PCDH9: variants seen among roughly 807,000 people sequenced by gnomAD.
The protein encoded by PCDH9 is protocadherin 9.
PCDH9 carries 24 observed loss-of-function variants against 70.6 expected under a neutral mutation model. The observed-to-expected ratio is 0.34, with a 90% CI of 0.25 to 0.48. The LOEUF is 0.48. Ranked by LOEUF, PCDH9 falls within the 20% of genes least tolerant of loss-of-function variation. The pLI is 0.99. For synonymous variants in PCDH9, 562 were observed against 558.5 expected, an observed-to-expected ratio of 1.01 and a Z score of -0.09; for missense variants, 1,281 against 1,503.6, an observed-to-expected ratio of 0.85 and a Z score of 2.45.
At chr13:66,355,772 T>G (rs879339550) in intron 4 of PCDH9, among the ~76,000 whole-genome samples, 2 of 152,172 alleles carry the variant, frequency 1.3e-5, no homozygotes, top group Admixed American at 1.3e-4. Flanking sequence ...AACTTTGTAC[T>G]TCCCCAAGGA....
chr13:66,957,526 G>A (rs1321242592), intron 2 of PCDH9, among the ~76,000 whole-genome samples: 1 of 152,176 alleles, frequency 6.6e-6, no homozygotes, highest in Non-Finnish European at 1.5e-5. Flanking sequence ...AAAAGTTGCT[G>A]GGAACTGAAA....
chr13:66,760,042 C>T (rs1385916826), intron 3 of PCDH9, among the ~76,000 whole-genome samples: 1 of 152,034 alleles, frequency 6.6e-6, no homozygotes, highest in African/African-American at 2.4e-5. Flanking sequence ...TGGTGATGAA[C>T]TTCCTAAGCT....
chr13:67,042,035 C>G (rs951901702), intron 2 of PCDH9, among the ~76,000 whole-genome samples: 12 of 151,942 alleles, frequency 7.9e-5, no homozygotes, highest in African/African-American at 2.9e-4. Context: ...TTGCCCTTAC[C>G]AAAGCCCATG....
chr13:66,658,369 T>C (rs1477954431), intron 3 of PCDH9, among the ~76,000 whole-genome samples: 1 of 152,192 alleles, frequency 6.6e-6, no homozygotes, highest in East Asian at 1.9e-4. Flanking sequence ...AGATTATTTA[T>C]GTGTCTGTTC....
intron 3 of PCDH9, among the ~76,000 whole-genome samples, chr13:66,902,771 G>A (rs192422998): frequency 1.8e-3 from 274 of 151,266 alleles, no homozygotes; most frequent in Non-Finnish European, 2.1e-3. Context: ...ACTTAAAAAC[G>A]GCTCAGATAG....
intron 3 of PCDH9, among the ~76,000 whole-genome samples, chr13:66,672,610 G>T (rs748308992): frequency 2.2e-4 from 33 of 152,276 alleles, no homozygotes; most frequent in African/African-American, 7.2e-4. Flanking sequence ...CCATGTGCCT[G>T]GAAAAGCTGC....
chr13:66,879,955 A>G (rs1373833672), intron 3 of PCDH9: 2 of 152,182 alleles, frequency 1.3e-5, no homozygotes, highest in Non-Finnish European at 2.9e-5. Flanking sequence ...AAAACAGTTT[A>G]TTACAAATGA....
intron 3 of PCDH9, among the ~76,000 whole-genome samples, chr13:66,807,291 T>C (rs900088548): frequency 3.3e-5 from 5 of 152,142 alleles, no homozygotes; most frequent in Non-Finnish European, 5.9e-5. Context: ...TTCCCAAACA[T>C]ATATTATTAT....
At position 66,801,802 on chromosome 13, in the gene PCDH9, G is replaced by T. The variant is rs187138795; in HGVS notation, c.3138+101702C>A. ...TAAGCAAGTGGAGAGTAATCTTGTG[G>T]CTTTTTGAAAATCTTTAGAACATTA... On this transcript the variant is annotated intron_variant, in intron 3 of 4. Coordinates refer to ENST00000377865, the MANE Select transcript of PCDH9 (RefSeq NM_203487.3). Among the ~76,000 whole-genome samples, 581 of 151,976 alleles carry T rather than the reference G, an allele frequency of 3.8e-3. 15 individuals are homozygous for T. The highest frequency in any genetic ancestry group is 1.2e-3 in the East Asian group (6 of 5,168).
At chr13:66,663,479 C>T (rs77015393) in intron 3 of PCDH9, among the ~76,000 whole-genome samples, 2,001 of 152,132 alleles carry the variant, frequency 0.013, 43 homozygotes, top group African/African-American at 0.044. Flanking sequence ...GAGAAATAAA[C>T]GTGAGGGTTT....
intron 2 of PCDH9, among the ~76,000 whole-genome samples, chr13:66,979,909 T>A (rs1325208120): frequency 2.6e-5 from 4 of 152,002 alleles, no homozygotes; most frequent in African/African-American, 9.7e-5. Context: ...CCTTCTCCTA[T>A]CCCTCCACCT....
intron 4 of PCDH9, among the ~76,000 whole-genome samples, chr13:66,402,573 A>C (rs1227145458): frequency 2.0e-5 from 3 of 152,118 alleles, no homozygotes; most frequent in Non-Finnish European, 4.4e-5. Context: ...TGAATCTTTG[A>C]TTTATCAAAT....
At chr13:66,700,917 CATATAAAT>C (rs1178718567) in intron 3 of PCDH9, among the ~76,000 whole-genome samples, 2,876 of 51,678 alleles carry the variant, frequency 0.056, 262 homozygotes, top group East Asian at 0.2. Flanking sequence ...TATGTGTGTA[CATATAAAT>C]ATATATATAT....
intron 2 of PCDH9, among the ~76,000 whole-genome samples, chr13:67,099,251 C>T (rs1261930701): frequency 6.6e-6 from 1 of 152,178 alleles, no homozygotes; most frequent in Non-Finnish European, 1.5e-5. Flanking sequence ...CTTGTAACTA[C>T]GTCTGGTTTG....
chr13:66,447,479 GTCTC>G (rs762197359), intron 4 of PCDH9, among the ~76,000 whole-genome samples: 2 of 152,000 alleles, frequency 1.3e-5, no homozygotes, highest in African/African-American at 4.8e-5. Context: ...ATTTACTTGT[GTCTC>G]TCTTTTTAAA....
intron 3 of PCDH9, among the ~76,000 whole-genome samples, chr13:66,666,227 C>T (rs117861831): frequency 0.023 from 3,550 of 152,256 alleles, 76 homozygotes; most frequent in South Asian, 0.066. Flanking sequence ...GCAGGCTTTT[C>T]GCTGGAGTAG....
At chr13:66,717,924 C>G (rs1170033075) in intron 3 of PCDH9, among the ~76,000 whole-genome samples, 1 of 152,096 alleles carries the variant, frequency 6.6e-6, no homozygotes, top group Non-Finnish European at 1.5e-5. Flanking sequence ...TTTTGGTATT[C>G]CCAACAGTGA....
chr13:66,972,240 G>C (rs771800255), intron 2 of PCDH9, among the ~76,000 whole-genome samples: 1 of 151,862 alleles, frequency 6.6e-6, no homozygotes, highest in African/African-American at 2.4e-5. Flanking sequence ...ATTACTGAAA[G>C]ATATTCATAG....
At chr13:66,784,238 C>T (rs1450694882) in intron 3 of PCDH9, among the ~76,000 whole-genome samples, 1 of 152,076 alleles carries the variant, frequency 6.6e-6, no homozygotes, top group Non-Finnish European at 1.5e-5. Context: ...TTAGGTATTA[C>T]CAGATGCCTA....
Sources: allele counts gnomAD v4.1 joint callset (sites outside exome capture counted in the v4.1 genomes callset), GRCh38; gene constraint gnomAD v4.1.1; transcripts MANE v1.5; gene names NCBI Gene and HGNC (gene_info 2026-07-23, HGNC 2026-07-21).